AGBL1: variants seen among roughly 807,000 people sequenced by gnomAD.
The protein encoded by AGBL1 is cytosolic carboxypeptidase 4.
A neutral mutation model predicts 118.9 loss-of-function variants in AGBL1; 130 were observed. The observed-to-expected ratio is 1.09, with a 90% confidence interval of 0.95 to 1.26. The LOEUF (loss-of-function observed/expected upper bound fraction) is 1.26. Among genes scored for constraint, AGBL1 ranks in the 50% most tolerant of loss-of-function variants. The pLI is 0.00. For missense variants in AGBL1, 1,584 were observed against 1,298.1 expected (o/e 1.22, Z -3.38); for synonymous variants, 555 against 478.9 (o/e 1.16, Z -2.08).
chr15:86,344,401 C>T (rs1251809871), intron 17 of AGBL1, among the ~76,000 whole-genome samples: 5 of 152,150 alleles, frequency 3.3e-5, no homozygotes, highest in South Asian at 2.1e-4. Context: ...CAGTGCTATG[C>T]ATTGCCAAGA....
chr15:86,126,443 G>A (rs530857565), intron 1 of AGBL1, among the ~76,000 whole-genome samples: 1 of 152,274 alleles, frequency 6.6e-6, no homozygotes, highest in East Asian at 1.9e-4. Flanking sequence ...GGTCTTTGTT[G>A]CTCCAGGATG....
chr15:86,832,410 T>C (rs1005958460), intron 22 of AGBL1, among the ~76,000 whole-genome samples: 1 of 152,234 alleles, frequency 6.6e-6, no homozygotes, highest in Non-Finnish European at 1.5e-5. Context: ...CCAACCATCA[T>C]AGCTTTGTGA....
intron 16 of AGBL1, among the ~76,000 whole-genome samples, chr15:86,294,522 A>G (rs1437375985): frequency 6.8e-6 from 1 of 147,480 alleles, no homozygotes; most frequent in Non-Finnish European, 1.5e-5. Context: ...TGTTGCTATT[A>G]GTTAGTTGTT....
At chr15:86,123,142 C>T (rs917012738) in intron 1 of AGBL1, among the ~76,000 whole-genome samples, 2 of 152,268 alleles carry the variant, frequency 1.3e-5, no homozygotes, top group African/African-American at 4.8e-5. Context: ...AACTAAGAGT[C>T]GGGCACCTTA....
intron 22 of AGBL1, among the ~76,000 whole-genome samples, chr15:86,866,621 A>G (rs1022854549): frequency 2.0e-5 from 3 of 152,212 alleles, no homozygotes; most frequent in African/African-American, 4.8e-5. Flanking sequence ...TGGAGGGCTG[A>G]GGAAGGCAGA....
intron 21 of AGBL1, among the ~76,000 whole-genome samples, chr15:86,641,963 C>A (rs2085198953): frequency 6.6e-6 from 1 of 152,134 alleles, no homozygotes; most frequent in African/African-American, 2.4e-5. Flanking sequence ...CAAGCCTGCT[C>A]CATATGTCTT....
intron 22 of AGBL1, among the ~76,000 whole-genome samples, chr15:86,837,688 C>G (rs1189415617): frequency 6.6e-6 from 1 of 152,170 alleles, no homozygotes; most frequent in Non-Finnish European, 1.5e-5. Context: ...AGAGCATTGA[C>G]TGGTGTTTTC....
intron 21 of AGBL1, among the ~76,000 whole-genome samples, chr15:86,614,426 A>AT (rs1213921986): frequency 6.6e-6 from 1 of 152,090 alleles, no homozygotes; most frequent in Non-Finnish European, 1.5e-5. Flanking sequence ...TTTATAAATT[A>AT]TTTTCTTATT....
intron 22 of AGBL1, among the ~76,000 whole-genome samples, chr15:86,677,503 A>G (rs567199072): frequency 6.6e-6 from 1 of 152,266 alleles, no homozygotes; most frequent in East Asian, 1.9e-4. Flanking sequence ...CCATTGTGAC[A>G]GGTCTTTTGC....
chr15:86,162,686 T>C (rs1174908189), intron 5 of AGBL1, among the ~76,000 whole-genome samples: 1 of 152,236 alleles, frequency 6.6e-6, no homozygotes, highest in Non-Finnish European at 1.5e-5. Context: ...TAAACTGCTA[T>C]GATAGCCCTC....
At chr15:86,996,947 A>T (rs1013493069) in intron 24 of AGBL1, among the ~76,000 whole-genome samples, 1 of 152,182 alleles carries the variant, frequency 6.6e-6, no homozygotes, top group African/African-American at 2.4e-5. Flanking sequence ...TTCTTAAGAG[A>T]CCACCACAGA....
chr15:86,222,266 C>T lies in AGBL1; in HGVS notation c.489-2648C>T, dbSNP rs560222014. Among the ~76,000 whole-genome samples, 11 of 152,306 alleles carry T rather than the reference C, an allele frequency of 7.2e-5. No homozygotes were observed. The South Asian group carries it at 1.9e-3, about 26-fold the overall frequency. ...ATGATGTTTCCAGCAGCATTCCAAA[C>T]AGTTTCATGTAGCCTTCTGTTGTAC... On this transcript the variant is annotated intron_variant, in intron 5 of 22. Transcript: ENST00000614907.
intron 17 of AGBL1, among the ~76,000 whole-genome samples, chr15:86,297,285 T>C (rs1261816926): frequency 6.6e-6 from 1 of 152,216 alleles, no homozygotes; most frequent in Non-Finnish European, 1.5e-5. Flanking sequence ...ATTTTCTTTT[T>C]GTCACTTGCA....
At chr15:86,426,516 G>A (rs1596100646) in intron 18 of AGBL1, among the ~76,000 whole-genome samples, 1 of 152,174 alleles carries the variant, frequency 6.6e-6, no homozygotes, top group African/African-American at 2.4e-5. Context: ...AACTACAAAG[G>A]TTCTTTCAGG....
chr15:86,672,342 G>C (rs910103765), intron 21 of AGBL1, among the ~76,000 whole-genome samples: 1 of 152,172 alleles, frequency 6.6e-6, no homozygotes, highest in African/African-American at 2.4e-5. Context: ...CATTTTAGCT[G>C]TTATTGTATA....
intron 6 of AGBL1, among the ~76,000 whole-genome samples, 163 bp downstream of exon 6, chr15:86,225,114 G>T (rs960051575): frequency 6.7e-6 from 1 of 150,146 alleles, no homozygotes; most frequent in African/African-American, 2.5e-5. Context: ...AAGTCATGTC[G>T]TGGGTCTTTG....
intron 17 of AGBL1, among the ~76,000 whole-genome samples, chr15:86,351,351 C>T (rs1339940879): frequency 1.3e-5 from 2 of 152,066 alleles, no homozygotes; most frequent in Non-Finnish European, 2.9e-5. Flanking sequence ...TTGAATGTCC[C>T]CCCTGTTAAT....
intron 17 of AGBL1, among the ~76,000 whole-genome samples, chr15:86,393,322 C>CCAACTGGCCCAGACAATGGAAGT (rs1314600290): frequency 5.9e-5 from 9 of 152,162 alleles, no homozygotes; most frequent in Non-Finnish European, 1.5e-5. Flanking sequence ...GCAATGGAAG[C>CCAACTGGCCCAGACAATGGAAGT]CAACTGGCCC....
At chr15:86,987,847 G>C (rs2081299705) in intron 23 of AGBL1, 3 of 785,176 alleles carry the variant, frequency 3.8e-6, no homozygotes, top group Non-Finnish European at 5.5e-6. Flanking sequence ...ACCTTATGTT[G>C]CTGGTATCTT....
Sources: gnomAD v4.1 joint callset for allele counts (sites outside exome capture counted in the v4.1 genomes callset) on GRCh38, gnomAD v4.1.1 for gene constraint, MANE v1.5 for transcripts, NCBI Gene and HGNC (gene_info 2026-07-23, HGNC 2026-07-21) for gene names.